Variants in SKA1 observed in about 807,000 individuals in gnomAD.
The protein encoded by SKA1 is spindle and kinetochore associated complex subunit 1, also known as SKA complex subunit 1.
A neutral mutation model predicts 31.8 loss-of-function variants in SKA1; 20 were observed. The ratio of observed to expected loss-of-function variants is 0.63; its 90% CI spans 0.44 to 0.91. The LOEUF (loss-of-function observed/expected upper bound fraction) is 0.91, where lower values mean the gene tolerates loss of function less well. Ranked by LOEUF, SKA1 falls within the 40% of genes least tolerant of loss-of-function variation. The probability of loss-of-function intolerance (pLI) is 0.00; values close to 1 mark genes in which losing one functional copy is unlikely to be tolerated. For missense variants in SKA1, 253 were observed against 298.2 expected (o/e 0.85, Z 1.12); for synonymous variants, 88 against 100.5 (o/e 0.88, Z 0.74).
At chr18:50,380,994 A>G (rs1445740985) in intron 3 of SKA1, among the ~76,000 whole-genome samples, 1 of 152,238 alleles carries the variant, frequency 6.6e-6, no homozygotes, top group Non-Finnish European at 1.5e-5. Context: ...GATTATGCCT[A>G]TCACTCTAAT....
chr18:50,382,554 G>A (rs536107748), intron 4 of SKA1, among the ~76,000 whole-genome samples: 2 of 151,540 alleles, frequency 1.3e-5, no homozygotes, highest in Admixed American at 1.3e-4. Flanking sequence ...ATGAGAATAG[G>A]ACATTGAGTA....
chr18:50,384,871 T>TAAAAAAAAAAAAAAAAAAAGAAAAAAAAA (rs2041292849), intron 4 of SKA1, among the ~76,000 whole-genome samples: 1 of 82,600 alleles, frequency 1.2e-5, no homozygotes. Flanking sequence ...AAAAAAAAAT[T>TAAAAAAAAAAAAAAAAAAAGAAAAAAAAA]AAAAAAAAAA....
intron 2 of SKA1, among the ~76,000 whole-genome samples, chr18:50,378,894 A>ACTC (rs57104477): frequency 0.72 from 109,606 of 151,688 alleles, 39,736 homozygotes; most frequent in East Asian, 0.81. Flanking sequence ...AGAATGATAT[A>ACTC]CTCATGATGA....
intron 5 of SKA1, 88 bp downstream of exon 5, chr18:50,385,441 A>G: frequency 8.8e-7 from 1 of 1,134,732 alleles, no homozygotes; most frequent in Non-Finnish European, 1.2e-6. Context: ...TAATTGTAAT[A>G]TGCTATGTTC....
intron 3 of SKA1, among the ~76,000 whole-genome samples, chr18:50,380,965 C>T (rs1451643647): frequency 6.6e-6 from 1 of 152,200 alleles, no homozygotes; most frequent in African/African-American, 2.4e-5. Flanking sequence ...AAAGATTGTT[C>T]AGCTATAGGA....
intron 5 of SKA1, among the ~76,000 whole-genome samples, chr18:50,389,423 T>G (rs896256024): frequency 2.8e-5 from 4 of 145,066 alleles, no homozygotes; most frequent in African/African-American, 1.0e-4. Flanking sequence ...TTTGAGACAG[T>G]CTCACTCTGT....
At position 50,391,309 on chromosome 18, in the gene SKA1, A is replaced by G. The variant is rs1349040389; in HGVS notation, c.619+16A>G. On this transcript the variant is annotated intron_variant, in intron 6 of 6. Coordinates refer to ENST00000285116, the MANE Select transcript of SKA1 (RefSeq NM_145060.4). ...GATACCAAAGGTAAAATGGCAGCAT[A>G]TATGTGTGTACATGTGAACTGTTCA... 1.3e-6 allele frequency: 2 copies of G among 1,571,524 alleles called. No individual in the cohort carries two copies. Among genetic ancestry groups the G allele is most frequent in the Admixed American group, 2.0e-5 (1 of 50,528 alleles).
intron 4 of SKA1, among the ~76,000 whole-genome samples, chr18:50,384,669 A>G (rs2041288787): frequency 1.5e-5 from 2 of 134,804 alleles, no homozygotes; most frequent in South Asian, 4.7e-4. Flanking sequence ...GATCACATGG[A>G]CACAGGAAGG....
At chr18:50,391,960 A>C in intron 6 of SKA1, 139 bp from the exon 7 acceptor site, 1 of 562,520 alleles carries the variant, frequency 1.8e-6, no homozygotes, top group Non-Finnish European at 3.0e-6. Flanking sequence ...TTATTATTTT[A>C]GCAAGAATAC....
chr18:50,392,336 T>A lies in SKA1; in HGVS notation c.*89T>A. ...TCTTATATATAATTTTTTTAACTTT[T>A]AATCTTTTTTGTTTCCTTTTTTTTT... is the stretch of plus-strand genomic sequence containing the variant. On this transcript the variant is annotated 3_prime_UTR_variant, in exon 7 of 7. Transcript: ENST00000285116. The A allele has an allele frequency of 3.3e-6, 3 of 896,038 alleles. No individual in the cohort carries two copies. Among genetic ancestry groups the A allele is most frequent in the Non-Finnish European group, 3.0e-6 (2 of 671,422 alleles). 55.5% of individuals were successfully genotyped at this position (896,038 alleles called of 1,614,324 possible).
chr18:50,388,337 G>A (rs1451373449), intron 5 of SKA1, among the ~76,000 whole-genome samples: 3 of 152,242 alleles, frequency 2.0e-5, no homozygotes, highest in Middle Eastern at 3.4e-3. Context: ...TGATCCACCC[G>A]CCTCAGCCTC....
chr18:50,390,590 C>T (rs2041348574), intron 5 of SKA1, among the ~76,000 whole-genome samples: 1 of 152,204 alleles, frequency 6.6e-6, no homozygotes, highest in African/African-American at 2.4e-5. Context: ...TCCAGTCACT[C>T]ACTCCTATAT....
intron 2 of SKA1, among the ~76,000 whole-genome samples, chr18:50,378,983 A>G (rs1033015475): frequency 1.3e-5 from 2 of 152,158 alleles, no homozygotes; most frequent in Non-Finnish European, 2.9e-5. Context: ...ACTTTCACCT[A>G]TCTTCACAGT....
Position 50,375,882 on chromosome 18 carries a change from G to C in SKA1, c.52G>C (p.Gly18Arg). The C allele has an allele frequency of 6.2e-7, 1 of 1,610,664 alleles. No individual in the cohort carries two copies. Among genetic ancestry groups the C allele is most frequent in the Non-Finnish European group, 8.5e-7 (1 of 1,178,378 alleles). ...QLCSHVNEKI[G>R]NIKKTLSLRN... Reference sequence around the variant, plus strand: ...ATGCTCTCATGTTAATGAAAAGATTGGCAATATTAAGAAAACCTTATCATT... The same window carrying C: ...ATGCTCTCATGTTAATGAAAAGATTCGCAATATTAAGAAAACCTTATCATT... Residue 18 changes from glycine (G) to arginine (R), a missense_variant, in exon 2 of 7, where the codon GGC (glycine) becomes CGC (arginine). Physicochemically the swap from Gly to Arg is moderately radical, Grantham distance 125. Coordinates refer to ENST00000285116, the MANE Select transcript of SKA1 (RefSeq NM_145060.4).
In SKA1 at chr18:50,391,119, T is replaced by C. The variant is rs757918891; in HGVS notation, c.450-5T>C. 2.7e-6 allele frequency: 4 copies of C among 1,497,232 alleles called. No individual in the cohort carries two copies. The highest frequency in any genetic ancestry group is 2.7e-6 in the Non-Finnish European group (3 of 1,115,072). 92.7% of individuals were successfully genotyped at this position (1,497,232 alleles called of 1,614,324 possible). A position where few individuals can be genotyped will look rare whatever the true frequency, so the allele number is the denominator to read the frequency against. On this transcript the variant is annotated splice_region_variant and splice_polypyrimidine_tract_variant and intron_variant, in intron 5 of 6. Transcript: ENST00000285116. ...AACAATAATTAGCCATATACTTTTT[T>C]ACAGGTACATGAAATCCCGCTTAAC...
chr18:50,388,749 C>G (rs866243772), intron 5 of SKA1, among the ~76,000 whole-genome samples: 3 of 152,084 alleles, frequency 2.0e-5, no homozygotes, highest in Admixed American at 6.6e-5. Context: ...TTTCCTTGGC[C>G]TATTTCAAAA....
chr18:50,388,816 T>C (rs2041332082), intron 5 of SKA1, among the ~76,000 whole-genome samples: 2 of 152,098 alleles, frequency 1.3e-5, no homozygotes, highest in Admixed American at 1.3e-4. Flanking sequence ...CTGATCTTCA[T>C]TTTAAAAACT....
At chr18:50,390,823 A>G (rs982467540) in intron 5 of SKA1, among the ~76,000 whole-genome samples, 6 of 152,204 alleles carry the variant, frequency 3.9e-5, no homozygotes, top group Non-Finnish European at 8.8e-5. Context: ...AAATAAACTG[A>G]TATGTTGCAG....
rs141091416 is a variant in SKA1 at position 50,384,194 on chromosome 18, A to T, written c.312-1022A>T. 3.4e-3 allele frequency among the ~76,000 whole-genome samples: 517 copies of T among 152,372 alleles called. 4 individuals carry two copies. Among genetic ancestry groups the T allele is most frequent in the African/African-American group, 0.011 (460 of 41,588 alleles). ...AAATAAAACTCATCTGTAATTTACCATTCAGATAAGATAGGGTATAGCTTT... is the reference window on the plus strand; with the variant it reads ...AAATAAAACTCATCTGTAATTTACCTTTCAGATAAGATAGGGTATAGCTTT... On this transcript the variant is annotated intron_variant, in intron 4 of 6. Coordinates refer to ENST00000285116, the MANE Select transcript of SKA1 (RefSeq NM_145060.4).
Sources: allele counts gnomAD v4.1 joint callset (sites outside exome capture counted in the v4.1 genomes callset), GRCh38; gene constraint gnomAD v4.1.1; transcripts MANE v1.5; gene names NCBI Gene and HGNC (gene_info 2026-07-23, HGNC 2026-07-21).